Variants in SLC24A5 observed in about 807,000 individuals in gnomAD.
SLC24A5 encodes the protein solute carrier family 24 member 5.
SLC24A5 carries 46 observed loss-of-function variants against 51.6 expected under a neutral mutation model. That is an observed-to-expected ratio of 0.89 (90% CI 0.70 to 1.14). The LOEUF (loss-of-function observed/expected upper bound fraction) is 1.14, where lower values mean the gene tolerates loss of function less well. Ranked by LOEUF, SLC24A5 falls within the 50% of genes most tolerant of loss-of-function variation. The pLI, the probability that SLC24A5 is intolerant of heterozygous loss-of-function variation, is 0.00. For missense variants in SLC24A5, 581 were observed against 604.1 expected (o/e 0.96, Z 0.40); for synonymous variants, 230 against 214.9 (o/e 1.07, Z -0.62).
chr15:48,129,397 T>A (rs975921028), intron 2 of SLC24A5, among the ~76,000 whole-genome samples: 1 of 152,142 alleles, frequency 6.6e-6, no homozygotes, highest in African/African-American at 2.4e-5. Context: ...GACATCAGTT[T>A]GCTGTTGCAC....
chr15:48,141,320 T>C (rs1597275638), intron 8 of SLC24A5, 106 bp downstream of exon 8: 1 of 889,440 alleles, frequency 1.1e-6, no homozygotes, highest in Non-Finnish European at 1.7e-6. Flanking sequence ...GGCTCGCGCC[T>C]GTAATCCCAG....
intron 2 of SLC24A5, among the ~76,000 whole-genome samples, chr15:48,132,419 T>C (rs560755184): frequency 6.6e-6 from 1 of 152,244 alleles, no homozygotes; most frequent in Non-Finnish European, 1.5e-5. Context: ...TTACTAAAAG[T>C]AAAGCTCTGT....
chr15:48,137,319 G>A (rs1207066093), intron 6 of SLC24A5: 4 of 192,248 alleles, frequency 2.1e-5, no homozygotes, highest in Non-Finnish European at 4.2e-5. Context: ...CATATGTTAT[G>A]ACCAATAAGT....
intron 6 of SLC24A5, chr15:48,137,844 CTT>C (rs1423072217): frequency 6.6e-6 from 1 of 152,010 alleles, no homozygotes; most frequent in Non-Finnish European, 1.5e-5. Context: ...AATAGCAAAA[CTT>C]TTAGGTAAAT....
intron 2 of SLC24A5, among the ~76,000 whole-genome samples, chr15:48,129,639 G>C (rs1479988533): frequency 1.3e-5 from 2 of 151,962 alleles, no homozygotes; most frequent in Non-Finnish European, 2.9e-5. Context: ...AATGACAGGA[G>C]TGGTTAAAAT....
At chr15:48,133,353 A>C (rs1296080237) in intron 2 of SLC24A5, among the ~76,000 whole-genome samples, 2 of 152,038 alleles carry the variant, frequency 1.3e-5, no homozygotes, top group Non-Finnish European at 2.9e-5. Flanking sequence ...TCTTATGCAA[A>C]CCTATCTCGG....
intron 7 of SLC24A5, 63 bp downstream of exon 7, chr15:48,139,238 T>C: frequency 2.8e-6 from 4 of 1,410,912 alleles, no homozygotes; most frequent in Non-Finnish European, 3.0e-6. Context: ...ATTGCATATG[T>C]TCACTCAAAG....
intron 8 of SLC24A5, 100 bp downstream of exon 8, chr15:48,141,314 C>G: frequency 1.1e-6 from 1 of 951,818 alleles, no homozygotes; most frequent in Non-Finnish European, 1.6e-6. Flanking sequence ...TGTGGTGGCT[C>G]GCGCCTGTAA....
At chr15:48,125,757 C>T (rs931151587) in intron 2 of SLC24A5, among the ~76,000 whole-genome samples, 1 of 152,180 alleles carries the variant, frequency 6.6e-6, no homozygotes, top group Non-Finnish European at 1.5e-5. Flanking sequence ...CAGGCCTAAA[C>T]ATTTTGTCCA....
At chr15:48,130,744 C>T (rs946910186) in intron 2 of SLC24A5, among the ~76,000 whole-genome samples, 1 of 152,034 alleles carries the variant, frequency 6.6e-6, no homozygotes, top group African/African-American at 2.4e-5. Flanking sequence ...CGGAAAACTT[C>T]CAAAGTATTC....
chr15:48,129,759 A>C (rs984627076), intron 2 of SLC24A5, among the ~76,000 whole-genome samples: 3 of 152,050 alleles, frequency 2.0e-5, no homozygotes, highest in African/African-American at 7.2e-5. Context: ...TAAAAATAAA[A>C]AGTGGTGTAG....
chr15:48,142,430 A>G lies in SLC24A5; in HGVS notation c.*79A>G. 1 of 1,105,424 alleles carries G rather than the reference A, an allele frequency of 9.0e-7. No individual in the cohort carries two copies. The allele number at this position is 1,105,424 out of a possible 1,614,324, so 68.5% of individuals were successfully genotyped here. ...AAAATCCATTTCTTCATTTAAATCA[A>G]ATTTTAAAAATCTTGAACCTTAGAA... On this transcript the variant is annotated 3_prime_UTR_variant, in exon 9 of 9. Transcript: ENST00000341459.
At chr15:48,131,975 T>A (rs892426268) in intron 2 of SLC24A5, among the ~76,000 whole-genome samples, 2 of 152,186 alleles carry the variant, frequency 1.3e-5, no homozygotes, top group Non-Finnish European at 2.9e-5. Context: ...GGAGCTGGTA[T>A]CATCAGCAGA....
chr15:48,134,788 T>A (rs2038855545), intron 4 of SLC24A5, 96 bp from the exon 5 acceptor site: 2 of 1,004,536 alleles, frequency 2.0e-6, no homozygotes, highest in African/African-American at 3.3e-5. Flanking sequence ...GATAACAATA[T>A]TTAACTACAA....
At chr15:48,121,352 A>G (rs1173012201) in intron 1 of SLC24A5, among the ~76,000 whole-genome samples, 187 bp downstream of exon 1, 2 of 152,190 alleles carry the variant, frequency 1.3e-5, no homozygotes, top group African/African-American at 4.8e-5. Context: ...ATATACTCCA[A>G]AGTAATTCAC....
chr15:48,134,677 C>A, intron 4 of SLC24A5, 139 bp downstream of exon 4: 2 of 725,388 alleles, frequency 2.8e-6, no homozygotes, highest in Non-Finnish European at 4.5e-6. Flanking sequence ...AACATGTATT[C>A]AATTTAATGT....
At chr15:48,141,246 C>A in intron 8 of SLC24A5, 32 bp downstream of exon 8, 1 of 1,501,268 alleles carries the variant, frequency 6.7e-7, no homozygotes, top group South Asian at 1.1e-5. Flanking sequence ...CTGCAATGGT[C>A]ATTCTACAAG....
intron 2 of SLC24A5, among the ~76,000 whole-genome samples, chr15:48,130,110 T>C (rs2038774706): frequency 6.6e-6 from 1 of 152,122 alleles, no homozygotes; most frequent in African/African-American, 2.4e-5. Context: ...ATATAAACAA[T>C]GTGTTGATAT....
At position 48,131,978 on chromosome 15, in the gene SLC24A5, T is replaced by A. The variant is rs945183410; in HGVS notation, c.302-2280T>A. 7.2e-5 allele frequency among the ~76,000 whole-genome samples: 11 copies of A among 152,290 alleles called. No individual in the cohort carries two copies. In the East Asian group the frequency reaches 2.1e-3, roughly 29 times the overall value. On this transcript the variant is annotated intron_variant, in intron 2 of 8. Transcript: ENST00000341459. ...AAATTAATGACTGGAGCTGGTATCA[T>A]CAGCAGACAGTATGTAGGTGACAGA...
Sources: gnomAD v4.1 joint callset for allele counts (sites outside exome capture counted in the v4.1 genomes callset) on GRCh38, gnomAD v4.1.1 for gene constraint, MANE v1.5 for transcripts, NCBI Gene and HGNC (gene_info 2026-07-23, HGNC 2026-07-21) for gene names.